EXPH5: variants seen among roughly 807,000 people sequenced by gnomAD.
EXPH5 encodes exophilin 5, also known as exophilin-5.
Under a neutral mutation model 41.1 loss-of-function variants are expected in EXPH5, and 42 were observed. That is an observed-to-expected ratio of 1.02 (90% CI 0.80 to 1.32). The LOEUF is 1.32. Among genes scored for constraint, EXPH5 ranks in the 40% most tolerant of loss-of-function variants. The pLI is 0.00. For missense variants in EXPH5, 2,298 were observed against 2,314.5 expected, an observed-to-expected ratio of 0.99 and a Z score of 0.15; for synonymous variants, 798 against 833.5, an observed-to-expected ratio of 0.96 and a Z score of 0.73.
chr11:108,576,056 A>G (rs1688407327), intron 1 of EXPH5, among the ~76,000 whole-genome samples: 1 of 152,238 alleles, frequency 6.6e-6, no homozygotes, highest in African/African-American at 2.4e-5. Flanking sequence ...CATATGTTCC[A>G]GTAATTCCAT....
intron 1 of EXPH5, among the ~76,000 whole-genome samples, chr11:108,563,830 C>G (rs1315882850): frequency 6.6e-6 from 1 of 152,168 alleles, no homozygotes; most frequent in Non-Finnish European, 1.5e-5. Flanking sequence ...CTGCAGCAAG[C>G]GGTGGCTGTG....
chr11:108,548,190 C>T (rs2093947577), intron 1 of EXPH5, among the ~76,000 whole-genome samples: 1 of 148,108 alleles, frequency 6.8e-6, no homozygotes, highest in Non-Finnish European at 1.5e-5. Context: ...TAAAAACCAG[C>T]TCATTTTTCT....
At position 108,510,414 on chromosome 11, in the gene EXPH5, C is replaced by T. The variant is rs376510289; in HGVS notation, c.5093G>A (p.Arg1698Gln). The T allele has an allele frequency of 2.4e-5, 39 of 1,613,862 alleles. No individual in the cohort carries two copies. The highest frequency in any genetic ancestry group is 2.6e-5 in the Non-Finnish European group (31 of 1,179,946). The part of the protein sequence containing the change: ...SNQKSNSISQ[R>Q]HQNEFKNVSE... ...GACGTTTTTAAACTCATTCTGATGT[C>T]GTTGTGAAATGCTGTTAGACTTCTG... The change falls in exon 6 of 6, where the codon CGA becomes CAA. Residue 1698 changes from arginine to glutamine, a missense_variant. Arg to Gln is a conservative substitution (Grantham distance 43). Transcript: ENST00000265843.
At chr11:108,539,937 C>T (rs184212578) in intron 2 of EXPH5, among the ~76,000 whole-genome samples, 71 of 152,164 alleles carry the variant, frequency 4.7e-4, no homozygotes, top group Non-Finnish European at 7.6e-4. Context: ...TGTCAGATAA[C>T]GGATATTCAA....
At chr11:108,585,484 C>T (rs137904214) in intron 1 of EXPH5, among the ~76,000 whole-genome samples, 1 of 152,296 alleles carries the variant, frequency 6.6e-6, no homozygotes, top group East Asian at 1.9e-4. Context: ...AGAAAAGGCA[C>T]CCTCTATGAG....
At chr11:108,552,033 T>A (rs1376294132) in intron 1 of EXPH5, 1 of 152,082 alleles carries the variant, frequency 6.6e-6, no homozygotes, top group Admixed American at 6.6e-5. Context: ...CTGGGGAAAG[T>A]GTGGCCTTTT....
chr11:108,532,366 A>ATATATATATATATATTTT (rs1555192606), intron 3 of EXPH5, among the ~76,000 whole-genome samples: 2 of 32,130 alleles, frequency 6.2e-5, no homozygotes, highest in African/African-American at 4.1e-4. Context: ...ATATATATAT[A>ATATATATATATATATTTT]TTTTTTTTTT....
At chr11:108,543,187 T>C (rs1293136445) in intron 1 of EXPH5, among the ~76,000 whole-genome samples, 1 of 152,220 alleles carries the variant, frequency 6.6e-6, no homozygotes, top group African/African-American at 2.4e-5. Flanking sequence ...ACATGTGGCC[T>C]GAAATCCTAT....
At position 108,509,379 on chromosome 11, in the gene EXPH5, CTA is replaced by C. The variant is rs1209267610; in HGVS notation, c.*156_*157del. The stretch of plus-strand genomic sequence containing the variant: ...CATTGTTCTAGCATTCAGGAAGTGT[CTA>C]TATAGGGTGTGGAGGAAAAAAAAGG... On this transcript the variant is annotated 3_prime_UTR_variant, in exon 6 of 6. Transcript: ENST00000265843. The C allele has an allele frequency of 1.8e-5, 10 of 568,620 alleles. No homozygotes were observed. The Admixed American group carries it at 3.2e-4, about 18-fold the overall frequency. The allele number at this position is 568,620 out of a possible 1,614,324, so 35.2% of individuals were successfully genotyped here.
At chr11:108,595,369 G>A (rs1289591943), upstream of EXPH5, among the ~76,000 whole-genome samples, 1 of 152,258 alleles carries the variant, frequency 6.6e-6, no homozygotes, top group Non-Finnish European at 1.5e-5. Context: ...TTAGGTTGCT[G>A]CATGAAGAGT....
intron 3 of EXPH5, among the ~76,000 whole-genome samples, chr11:108,532,343 T>G (rs1407388122): frequency 6.6e-4 from 5 of 7,624 alleles, no homozygotes; most frequent in East Asian, 7.9e-3. Flanking sequence ...ACACTGGATA[T>G]ATATATATAT....
At chr11:108,562,695 G>T (rs1309575448) in intron 1 of EXPH5, among the ~76,000 whole-genome samples, 1 of 152,168 alleles carries the variant, frequency 6.6e-6, no homozygotes, top group Non-Finnish European at 1.5e-5. Context: ...GGGCATGGTG[G>T]CTCACACCTG....
At chr11:108,530,096 T>C (rs1244989553) in intron 3 of EXPH5, among the ~76,000 whole-genome samples, 2 of 152,234 alleles carry the variant, frequency 1.3e-5, no homozygotes, top group Non-Finnish European at 2.9e-5. Context: ...CACATGTATT[T>C]TATAGTTTAG....
intron 5 of EXPH5, among the ~76,000 whole-genome samples, chr11:108,517,619 T>G (rs1347475993): frequency 6.6e-6 from 1 of 152,252 alleles, no homozygotes; most frequent in Non-Finnish European, 1.5e-5. Context: ...GGAACCTGTC[T>G]CAGTTTTTAT....
rs143268361 is a variant in EXPH5 at position 108,512,274 on chromosome 11, G to A, written c.3233C>T (p.Ala1078Val). 9.5e-5 allele frequency: 153 copies of A among 1,612,992 alleles called. No homozygotes were observed. The Admixed American group carries it at 1.2e-3, about 12-fold the overall frequency. ...TGAAAGGACTTTGGAACATTCATTC[G>A]CTGACTCAGGAGAACTGGGACTAAA... ...NKFSPSSPES[A>V]NECSKVLSDS... is the part of the protein sequence containing the mutation. Residue 1078 changes from alanine (A) to valine (V), a missense_variant, in exon 6 of 6, where the codon GCG (alanine) becomes GTG (valine). Ala to Val is a moderately conservative substitution (Grantham distance 64, BLOSUM62 0). Transcript: ENST00000265843.
chr11:108,545,783 G>GT (rs1455068395), intron 1 of EXPH5, among the ~76,000 whole-genome samples: 2 of 151,964 alleles, frequency 1.3e-5, no homozygotes, highest in Non-Finnish European at 2.9e-5. Context: ...TGCTCCTTTA[G>GT]TCCCAACTGT....
At chr11:108,582,705 G>C (rs1390948414) in intron 1 of EXPH5, among the ~76,000 whole-genome samples, 1 of 152,296 alleles carries the variant, frequency 6.6e-6, no homozygotes, top group East Asian at 1.9e-4. Flanking sequence ...AGTTTTGGAG[G>C]CTGGAGGTCA....
intron 5 of EXPH5, among the ~76,000 whole-genome samples, chr11:108,515,461 A>ATTGGAGCAATATATGTAATTAAAAGTGC (rs140472852): frequency 6.6e-6 from 1 of 151,890 alleles, no homozygotes; most frequent in South Asian, 2.1e-4. Flanking sequence ...ACTTAGTTGG[A>ATTGGAGCAATATATGTAATTAAAAGTGC]TATATAATAT....
rs759780073 is a variant in EXPH5, at chr11:108,591,599, G to T, written c.119+1819C>A. 4.6e-5 allele frequency among the ~76,000 whole-genome samples: 7 copies of T among 152,180 alleles called. No homozygotes were observed. In the South Asian group the frequency reaches 1.2e-3, roughly 27 times the overall value. On this transcript the variant is annotated intron_variant, in intron 1 of 5. Coordinates refer to ENST00000265843, the MANE Select transcript of EXPH5 (RefSeq NM_015065.3). ...TTAATAATTAGTATAATACAGTATC[G>T]ATTTTGTCTTAGCATTATGGCTTTT...
Sources: allele counts gnomAD v4.1 joint callset (sites outside exome capture counted in the v4.1 genomes callset), GRCh38; gene constraint gnomAD v4.1.1; transcripts MANE v1.5; gene names NCBI Gene and HGNC (gene_info 2026-07-23, HGNC 2026-07-21).